AMZ1: variants seen among roughly 807,000 people sequenced by gnomAD.
AMZ1 encodes the protein archaemetzincin-1.
Under a neutral mutation model 29.9 loss-of-function variants are expected in AMZ1, and 39 were observed. The ratio of observed to expected loss-of-function variants is 1.30; its 90% CI spans 1.01 to 1.70. AMZ1 has a LOEUF of 1.70. Ranked by LOEUF, AMZ1 falls within the 40% of genes most tolerant of loss-of-function variation. The probability of loss-of-function intolerance (pLI) is 0.00; values close to 1 mark genes in which losing one functional copy is unlikely to be tolerated. For missense variants in AMZ1, 1,041 were observed against 680.6 expected, an observed-to-expected ratio of 1.53 and a Z score of -5.89; for synonymous variants, 458 against 304.0, an observed-to-expected ratio of 1.51 and a Z score of -5.27.
upstream of AMZ1, among the ~76,000 whole-genome samples, chr7:2,687,810 C>T (rs548722627): frequency 6.6e-6 from 1 of 151,942 alleles, no homozygotes; most frequent in African/African-American, 2.4e-5. Context: ...CACCTGGGGC[C>T]TCTCCTGGTG....
At position 2,709,634 on chromosome 7, in the gene AMZ1, C is replaced by T. The variant is rs760869707; in HGVS notation, c.772-6C>T. The T allele has an allele frequency of 1.2e-6, 2 of 1,607,252 alleles. No individual in the cohort carries two copies. The highest frequency in any genetic ancestry group is 2.2e-5 in the East Asian group (1 of 44,814). On this transcript the variant is annotated splice_polypyrimidine_tract_variant and splice_region_variant and intron_variant, in intron 5 of 6. Transcript: ENST00000683327. Reference sequence around the variant, plus strand: ...GAGGCAAGGTGCTTGGTGGCCTTCCCCCCAGGTCACGTGCCACGAGCTCTG... The same window carrying T: ...GAGGCAAGGTGCTTGGTGGCCTTCCTCCCAGGTCACGTGCCACGAGCTCTG...
intron 1 of AMZ1, among the ~76,000 whole-genome samples, chr7:2,690,081 C>T (rs1366756940): frequency 2.0e-5 from 3 of 152,086 alleles, no homozygotes; most frequent in Non-Finnish European, 4.4e-5. Context: ...GACGTCATGC[C>T]CTGGATGCCC....
At chr7:2,706,247 C>T (rs1788348985) in intron 3 of AMZ1, among the ~76,000 whole-genome samples, 1 of 152,180 alleles carries the variant, frequency 6.6e-6, no homozygotes. Flanking sequence ...GCGATCATAG[C>T]TCCCTGCAGC....
At chr7:2,760,971 G>T (rs1343150206), upstream of AMZ1, among the ~76,000 whole-genome samples, 3 of 152,208 alleles carry the variant, frequency 2.0e-5, no homozygotes, top group African/African-American at 7.2e-5. Context: ...CAGTCTTGAC[G>T]AAGTTGCTTG....
intron 1 of AMZ1, among the ~76,000 whole-genome samples, chr7:2,698,106 A>G (rs993740999): frequency 6.6e-6 from 1 of 152,224 alleles, no homozygotes; most frequent in Non-Finnish European, 1.5e-5. Flanking sequence ...GTGACACTGG[A>G]GTTAGTGGGC....
chr7:2,684,050 C>T (rs893103100), upstream of AMZ1, among the ~76,000 whole-genome samples: 7 of 151,996 alleles, frequency 4.6e-5, no homozygotes, highest in Admixed American at 1.3e-4. Context: ...TGGTGGCACG[C>T]GCCTATAATC....
Position 2,725,403 on chromosome 7 carries a change from A to G in AMZ1, n.550+15587A>G, listed in dbSNP as rs1334112016. On this transcript the variant is annotated intron_variant and non_coding_transcript_variant, in intron 4 of 4. Transcript: ENST00000489665. ...GGAGCAGTGACCTGTGTCTGAAGTGAGCTTCCACCCGAGGAGATGCCAATA... is the reference window on the plus strand; with the variant it reads ...GGAGCAGTGACCTGTGTCTGAAGTGGGCTTCCACCCGAGGAGATGCCAATA... 3.9e-5 allele frequency among the ~76,000 whole-genome samples: 6 copies of G among 152,304 alleles called. No individual in the cohort carries two copies. In the East Asian group the frequency reaches 1.2e-3, roughly 29 times the overall value.
chr7:2,720,351 G>C, downstream of AMZ1, among the ~76,000 whole-genome samples: 1 of 152,182 alleles, frequency 6.6e-6, no homozygotes, highest in Non-Finnish European at 1.5e-5. Context: ...TTTATGCGCT[G>C]TGACAAAAAG....
upstream of AMZ1, chr7:2,763,139 T>G: frequency 3.3e-6 from 4 of 1,223,748 alleles, no homozygotes; most frequent in Non-Finnish European, 3.1e-6. Context: ...CTCAGAAGCA[T>G]TTCTCGAATA....
downstream of AMZ1, among the ~76,000 whole-genome samples, chr7:2,720,704 A>T (rs798551): frequency 0.25 from 36,573 of 146,002 alleles, 4,872 homozygotes; most frequent in Non-Finnish European, 0.29. Context: ...CCCAGCCTTT[A>T]AAAAAAAAAA....
At chr7:2,725,057 G>C (rs949276531) in intron 4 of AMZ1, among the ~76,000 whole-genome samples, 1 of 152,180 alleles carries the variant, frequency 6.6e-6, no homozygotes, top group South Asian at 2.1e-4. Context: ...CACCAGGACG[G>C]GGTATCTGGA....
At chr7:2,761,871 A>G (rs1365022577), upstream of AMZ1, among the ~76,000 whole-genome samples, 2 of 152,150 alleles carry the variant, frequency 1.3e-5, no homozygotes, top group Non-Finnish European at 2.9e-5. Flanking sequence ...CACAACGTAA[A>G]ATTCGGCTTC....
At chr7:2,709,592 T>G in intron 5 of AMZ1, 48 bp from the exon 6 acceptor site, 5 of 1,579,320 alleles carry the variant, frequency 3.2e-6, no homozygotes, top group Non-Finnish European at 4.3e-6. Context: ...ATCTGCCGGA[T>G]GCAGGGGCAA....
At chr7:2,742,676 T>G (rs1436554285) in intron 4 of AMZ1, among the ~76,000 whole-genome samples, 2 of 152,052 alleles carry the variant, frequency 1.3e-5, no homozygotes, top group Non-Finnish European at 2.9e-5. Flanking sequence ...ACCTGCAGAG[T>G]TTTGATTTTG....
chr7:2,733,862 G>T (rs1317255921), intron 4 of AMZ1, among the ~76,000 whole-genome samples: 2 of 152,184 alleles, frequency 1.3e-5, no homozygotes, highest in African/African-American at 4.8e-5. Context: ...GGCTAGAATA[G>T]GATTTTAGAT....
At chr7:2,744,192 C>G (rs1260246456) in intron 4 of AMZ1, among the ~76,000 whole-genome samples, 2 of 152,244 alleles carry the variant, frequency 1.3e-5, no homozygotes, top group Non-Finnish European at 1.5e-5. Context: ...CAGCACGCAG[C>G]TGGAGATCTG....
rs1789292863 is a variant in AMZ1 at position 2,718,983 on chromosome 7, G to A, written c.*6105G>A. Among the ~76,000 whole-genome samples, 1 of 151,914 alleles carries A rather than the reference G, an allele frequency of 6.6e-6. No individual in the cohort carries two copies. The highest frequency in any genetic ancestry group is 1.9e-4 in the East Asian group (1 of 5,186). ...AAATGTATGAGCAGGAAGGAAAGAG[G>A]GAGGGAAGCTGCAAGAACAGGCGAC... is the stretch of plus-strand genomic sequence containing the variant. On this transcript the variant is annotated 3_prime_UTR_variant, in exon 7 of 7. Coordinates refer to ENST00000683327, the MANE Select transcript of AMZ1 (RefSeq NM_001384743.1).
At position 2,709,151 on chromosome 7, in the gene AMZ1, G is replaced by A; in HGVS notation, c.678G>A (p.Leu226=). ...KSGPSAPDLA[L]VEAAADGPEA... is the part of the protein sequence containing the mutation. ...GGCCCAGCGCCCCTGATCTGGCCCTGGTAGAGGCAGCAGCAGACGGCCCCG... is the reference window on the plus strand; with the variant it reads ...GGCCCAGCGCCCCTGATCTGGCCCTAGTAGAGGCAGCAGCAGACGGCCCCG... Residue 226 remains leucine (L), a synonymous_variant, in exon 5 of 7, where the codon CTG becomes CTA. Coordinates refer to ENST00000683327, the MANE Select transcript of AMZ1 (RefSeq NM_001384743.1). 6.3e-7 allele frequency: 1 copy of A among 1,583,708 alleles called. No individual in the cohort carries two copies. Among genetic ancestry groups the A allele is most frequent in the Non-Finnish European group, 8.6e-7 (1 of 1,166,454 alleles).
Position 2,718,233 on chromosome 7 carries a change from A to C in AMZ1, c.*5355A>C, listed in dbSNP as rs798563. 0.25 allele frequency among the ~76,000 whole-genome samples: 37,813 copies of C among 152,126 alleles called. 5,167 individuals are homozygous for C. Among genetic ancestry groups the C allele is most frequent in the Non-Finnish European group, 0.29 (19,982 of 67,960 alleles). ...GTGGCTCCACCCTGGGGCTCCTCTG[A>C]TGCCGAGAGCTCTGGCTCTCCTGAC... On this transcript the variant is annotated 3_prime_UTR_variant, in exon 7 of 7. Coordinates refer to ENST00000683327, the MANE Select transcript of AMZ1 (RefSeq NM_001384743.1).
Sources: allele counts gnomAD v4.1 joint callset (sites outside exome capture counted in the v4.1 genomes callset), GRCh38; gene constraint gnomAD v4.1.1; transcripts MANE v1.5; gene names NCBI Gene and HGNC (gene_info 2026-07-23, HGNC 2026-07-21).